The following ZMAT3 variants were observed in gnomAD, a reference collection of about 807,000 sequenced individuals.
ZMAT3 encodes the protein zinc finger matrin-type 3.
In ZMAT3, 17 loss-of-function variants were observed where a neutral mutation model predicts 32.3. That is an observed-to-expected ratio of 0.53 (90% CI 0.36 to 0.79). ZMAT3 has a LOEUF of 0.79. Among genes scored for constraint, ZMAT3 ranks in the 30% least tolerant of loss-of-function variants. The pLI is 0.00. For synonymous variants in ZMAT3, 120 were observed against 133.1 expected (o/e 0.90, Z 0.68); for missense variants, 329 against 359.7 (o/e 0.91, Z 0.69).
intron 2 of ZMAT3, among the ~76,000 whole-genome samples, chr3:179,035,859 T>A (rs1719561678): frequency 6.6e-6 from 1 of 152,240 alleles, no homozygotes; most frequent in Non-Finnish European, 1.5e-5. Context: ...AGGGGGCAAC[T>A]GACTCATCTT....
rs1364064523 is a variant in ZMAT3, at chr3:179,025,118, C to A, written c.769G>T (p.Glu257Ter). ...AAATGCTGCCGGAATTCCATCTCTT[C>A]GCCAGCTCCAACATTACACATTGAG... ...YCSMCNVGAG[E>*]EMEFRQHLES... Residue 257 changes from glutamate (E) to a stop codon, truncating the protein, a stop_gained, in exon 6 of 6, where the codon GAA becomes TAA. Coordinates refer to ENST00000311417, the MANE Select transcript of ZMAT3 (RefSeq NM_022470.4). LOFTEE classifies it high-confidence loss of function. 5 of 1,614,220 alleles carry A rather than the reference C, an allele frequency of 3.1e-6. No homozygotes were observed. The highest frequency in any genetic ancestry group is 3.4e-6 in the Non-Finnish European group (4 of 1,180,050).
intron 2 of ZMAT3, among the ~76,000 whole-genome samples, chr3:179,055,606 G>C (rs1720800651): frequency 6.6e-6 from 1 of 152,012 alleles, no homozygotes; most frequent in South Asian, 2.1e-4. Context: ...CCTCCAAGCA[G>C]TGAGAGGAGG....
At chr3:179,064,072 A>T (rs540767365) in intron 2 of ZMAT3, among the ~76,000 whole-genome samples, 1 of 152,366 alleles carries the variant, frequency 6.6e-6, no homozygotes, top group East Asian at 1.9e-4. Context: ...CACATGATAC[A>T]GTCCGGCTCT....
chr3:179,057,983 C>A (rs1385594964), intron 2 of ZMAT3, among the ~76,000 whole-genome samples: 1 of 152,204 alleles, frequency 6.6e-6, no homozygotes. Flanking sequence ...CAAGATTTTT[C>A]TTTATATGTC....
rs575539520 is a variant in ZMAT3, at chr3:179,022,556, G to A, written c.*2461C>T. 6 of 149,932 alleles carry A rather than the reference G, an allele frequency of 4.0e-5. No homozygotes were observed. The East Asian group carries it at 1.2e-3, about 30-fold the overall frequency. 9.3% of individuals were successfully genotyped at this position (149,932 alleles called of 1,614,324 possible). ...AAAAAATTATATTTAGCAGCAAAAT[G>A]AATAACCTACTGGCCAATAAGAAAA... On this transcript the variant is annotated 3_prime_UTR_variant, in exon 6 of 6. Coordinates refer to ENST00000311417, the MANE Select transcript of ZMAT3 (RefSeq NM_022470.4).
Position 179,030,913 on chromosome 3 carries a change from A to ACAT in ZMAT3, c.356_357insATG (p.Pro119_Ala120insCys). ...GGACTGGAACAACTGGAGTAGCTGC[A>ACAT]GGCTCGACCACATTGCTCATTCTAG... On this transcript the variant is annotated inframe_insertion, in exon 3 of 6. Coordinates refer to ENST00000311417, the MANE Select transcript of ZMAT3 (RefSeq NM_022470.4). The ACAT allele has an allele frequency of 6.2e-7, 1 of 1,613,866 alleles. No individual in the cohort carries two copies. The highest frequency in any genetic ancestry group is 8.5e-7 in the Non-Finnish European group (1 of 1,179,844).
rs1720214543 is a variant in ZMAT3 at position 179,046,012 on chromosome 3, TACAGGC to T, written c.271-15019_271-15014del. Among the ~76,000 whole-genome samples the T allele has an allele frequency of 6.6e-6, 1 of 152,182 alleles. No individual in the cohort carries two copies. The highest frequency in any genetic ancestry group is 1.5e-5 in the Non-Finnish European group (1 of 68,036). ...GTGGTTTAACTAGGAAAACACCCAG[TACAGGC>T]AACTATGCAGAAGAGCTCTATGACA... On this transcript the variant is annotated intron_variant, in intron 2 of 5. Coordinates refer to ENST00000311417, the MANE Select transcript of ZMAT3 (RefSeq NM_022470.4). This position sits in a 1 kb window ranked among gnomAD's most constrained non-coding sequence, Gnocchi z 4.3.
intron 2 of ZMAT3, among the ~76,000 whole-genome samples, chr3:179,065,606 G>A (rs1721369161): frequency 6.6e-6 from 1 of 152,138 alleles, no homozygotes; most frequent in Non-Finnish European, 1.5e-5. Flanking sequence ...CACACTGCCC[G>A]AGAGTTTTCC....
chr3:179,061,962 C>T (rs1721172612), intron 2 of ZMAT3, among the ~76,000 whole-genome samples: 1 of 151,778 alleles, frequency 6.6e-6, no homozygotes, highest in Non-Finnish European at 1.5e-5. Flanking sequence ...CTATAGCCAG[C>T]TCAAGTTGGG....
intron 2 of ZMAT3, among the ~76,000 whole-genome samples, chr3:179,061,480 A>G (rs994572146): frequency 1.3e-5 from 2 of 152,230 alleles, no homozygotes; most frequent in African/African-American, 4.8e-5. Flanking sequence ...CAGAATCAGA[A>G]AACAGTGGGT....
intron 5 of ZMAT3, among the ~76,000 whole-genome samples, chr3:179,026,615 A>G (rs979582082): frequency 1.3e-5 from 2 of 151,838 alleles, no homozygotes; most frequent in Non-Finnish European, 2.9e-5. Context: ...CGAACTCCTG[A>G]CCTCAGGTGA....
chr3:179,062,118 T>C (rs1449727680), intron 2 of ZMAT3, among the ~76,000 whole-genome samples: 1 of 152,168 alleles, frequency 6.6e-6, no homozygotes, highest in Non-Finnish European at 1.5e-5. Context: ...AGGAGAAAGT[T>C]GTTACCATTG....
chr3:179,027,944 A>T, intron 3 of ZMAT3, 132 bp from the exon 4 acceptor site: 1 of 889,880 alleles, frequency 1.1e-6, no homozygotes, highest in East Asian at 2.8e-5. Context: ...AGCTTCATCA[A>T]GAAAATAATT....
chr3:179,049,141 T>C (rs1230717555), intron 2 of ZMAT3, among the ~76,000 whole-genome samples: 1 of 152,186 alleles, frequency 6.6e-6, no homozygotes. Flanking sequence ...TAAATATATA[T>C]GCACCTAATA....
intron 1 of ZMAT3, among the ~76,000 whole-genome samples, chr3:179,068,745 G>T (rs746040978): frequency 2.6e-4 from 40 of 152,350 alleles, no homozygotes; most frequent in Middle Eastern, 6.8e-3. Context: ...TATAGCAGAG[G>T]TGGCAAACAG....
chr3:179,062,592 T>C (rs1167978253), intron 2 of ZMAT3, among the ~76,000 whole-genome samples: 1 of 152,144 alleles, frequency 6.6e-6, no homozygotes, highest in Non-Finnish European at 1.5e-5. Context: ...AAGCAAGAGC[T>C]AGAAAAGCCT....
In ZMAT3 at chr3:179,023,708, ATATTTTTTTTTTT is replaced by A. The variant is rs1718682195; in HGVS notation, c.*1296_*1308del. ...CTGGAAAATATATCTATATATATAT[ATATTTTTTTTTTT>A]TTTTTTTTTTTTTTTTTGAGACGGA... On this transcript the variant is annotated 3_prime_UTR_variant, in exon 6 of 6. Transcript: ENST00000311417. The A allele has an allele frequency of 7.9e-5, 1 of 12,632 alleles. No homozygotes were observed. The highest frequency in any genetic ancestry group is 1.2e-4 in the Non-Finnish European group (1 of 8,296). The allele number at this position is 12,632 out of a possible 1,614,324, so 0.8% of individuals were successfully genotyped here.
chr3:179,058,606 A>G (rs1720980147), intron 2 of ZMAT3, among the ~76,000 whole-genome samples: 2 of 152,118 alleles, frequency 1.3e-5, no homozygotes, highest in South Asian at 2.1e-4. Flanking sequence ...AATACAAAAA[A>G]TTAGCCGGGG....
chr3:179,065,176 C>A (rs1449254506), intron 2 of ZMAT3, among the ~76,000 whole-genome samples: 2 of 152,146 alleles, frequency 1.3e-5, no homozygotes, highest in African/African-American at 4.8e-5. Context: ...TGCCTCTTTT[C>A]TTTCCCATCT....
Sources: allele counts gnomAD v4.1 joint callset (sites outside exome capture counted in the v4.1 genomes callset), GRCh38; gene constraint gnomAD v4.1.1; non-coding constraint Gnocchi (gnomAD v3.1); transcripts MANE v1.5; gene names NCBI Gene and HGNC (gene_info 2026-07-23, HGNC 2026-07-21).